GDI2: variants seen among roughly 807,000 people sequenced by gnomAD.
GDI2 encodes rab GDP dissociation inhibitor beta.
GDI2 carries 22 observed loss-of-function variants against 54.2 expected under a neutral mutation model. That is an observed-to-expected ratio of 0.41 (90% CI 0.29 to 0.58). GDI2 has a LOEUF of 0.58. Ranked by LOEUF, GDI2 falls within the 20% of genes least tolerant of loss-of-function variation. The pLI is 0.35. For missense variants in GDI2, 422 were observed against 546.0 expected (o/e 0.77, Z 2.26); for synonymous variants, 177 against 182.1 (o/e 0.97, Z 0.23).
chr10:5,789,774 C>T (rs1840969752), intron 4 of GDI2, among the ~76,000 whole-genome samples: 1 of 151,992 alleles, frequency 6.6e-6, no homozygotes, highest in Non-Finnish European at 1.5e-5. Flanking sequence ...AAACACAGAC[C>T]ATACACGGTG....
chr10:5,804,805 A>G (rs1207523902), intron 1 of GDI2, among the ~76,000 whole-genome samples: 1 of 151,468 alleles, frequency 6.6e-6, no homozygotes, highest in Non-Finnish European at 1.5e-5. Flanking sequence ...GAACGTCTAC[A>G]TAACCTAAAA....
At chr10:5,796,278 G>A (rs894654220) in intron 3 of GDI2, among the ~76,000 whole-genome samples, 1 of 151,684 alleles carries the variant, frequency 6.6e-6, no homozygotes, top group African/African-American at 2.4e-5. Flanking sequence ...TGAACCAGAA[G>A]GCGGAGGTTG....
intron 1 of GDI2, among the ~76,000 whole-genome samples, chr10:5,804,593 T>C (rs1208758948): frequency 6.6e-6 from 1 of 152,148 alleles, no homozygotes; most frequent in African/African-American, 2.4e-5. Context: ...ATGCAACACG[T>C]TTTAAGATTC....
chr10:5,805,366 A>T (rs911511399), intron 1 of GDI2, among the ~76,000 whole-genome samples: 3 of 111,954 alleles, frequency 2.7e-5, no homozygotes, highest in Admixed American at 8.6e-5. Flanking sequence ...TGCTCTTTAA[A>T]AAAAAAAAAA....
rs572571550 is a variant in GDI2 at position 5,775,969 on chromosome 10, T to C, written c.720-2028A>G. On this transcript the variant is annotated intron_variant, in intron 6 of 10. Transcript: ENST00000380191. ...GAACGCAGAGAGGGGCCACAGTCCCTGCGGCTGCATCGCGCTTCCCTGCAG... is the reference window on the plus strand; with the variant it reads ...GAACGCAGAGAGGGGCCACAGTCCCCGCGGCTGCATCGCGCTTCCCTGCAG... 78 of 173,940 alleles carry C rather than the reference T, an allele frequency of 4.5e-4. 1 individual carries two copies. The Middle Eastern group carries it at 0.013, about 30-fold the overall frequency. The allele number at this position is 173,940 out of a possible 1,614,324, so 10.8% of individuals were successfully genotyped here.
chr10:5,778,662 T>C (rs1466227725), intron 6 of GDI2, among the ~76,000 whole-genome samples: 1 of 152,242 alleles, frequency 6.6e-6, no homozygotes, highest in African/African-American at 2.4e-5. Flanking sequence ...TATTGTATAA[T>C]GTACCATTTA....
intron 2 of GDI2, 90 bp from the exon 3 acceptor site, chr10:5,796,952 A>G (rs1043213198): frequency 5.8e-5 from 37 of 641,904 alleles, no homozygotes; most frequent in Non-Finnish European, 9.2e-5. Context: ...TGCTTTTAGT[A>G]TAACTAAACA....
At chr10:5,808,791 A>G (rs1841430564) in intron 1 of GDI2, among the ~76,000 whole-genome samples, 1 of 151,916 alleles carries the variant, frequency 6.6e-6, no homozygotes, top group Non-Finnish European at 1.5e-5. Flanking sequence ...CTAATATTAA[A>G]GTGCCTTTTC....
At chr10:5,796,270 A>G (rs1000360577) in intron 3 of GDI2, among the ~76,000 whole-genome samples, 1 of 151,994 alleles carries the variant, frequency 6.6e-6, no homozygotes, top group Non-Finnish European at 1.5e-5. Context: ...GAATTGCTTG[A>G]ACCAGAAGGC....
chr10:5,796,307 C>T (rs1841146520), intron 3 of GDI2, among the ~76,000 whole-genome samples: 1 of 150,688 alleles, frequency 6.6e-6, no homozygotes, highest in South Asian at 2.1e-4. Context: ...CAAGATCATG[C>T]CACTGCACTC....
intron 7 of GDI2, among the ~76,000 whole-genome samples, chr10:5,772,664 G>C (rs1840516740): frequency 6.6e-6 from 1 of 152,164 alleles, no homozygotes; most frequent in African/African-American, 2.4e-5. Context: ...GGCTGAGGTA[G>C]GAGAATCACT....
intron 2 of GDI2, among the ~76,000 whole-genome samples, chr10:5,800,295 G>A (rs1841239918): frequency 6.6e-6 from 1 of 151,956 alleles, no homozygotes; most frequent in Non-Finnish European, 1.5e-5. Context: ...AATCTTTGAG[G>A]GACTGAGAAA....
chr10:5,775,309 G>C (rs977829508), intron 6 of GDI2, among the ~76,000 whole-genome samples: 1 of 152,108 alleles, frequency 6.6e-6, no homozygotes, highest in Admixed American at 6.6e-5. Context: ...GTAATAAAGT[G>C]GGGGGAAAGG....
chr10:5,776,436 G>A lies in GDI2; in HGVS notation c.720-2495C>T. The A allele has an allele frequency of 2.4e-6, 2 of 828,598 alleles. No individual in the cohort carries two copies. The highest frequency in any genetic ancestry group is 1.3e-5 in the South Asian group (1 of 74,864). 51.3% of individuals were successfully genotyped at this position (828,598 alleles called of 1,614,324 possible). A position where few individuals can be genotyped will look rare whatever the true frequency, so the allele number is the denominator to read the frequency against. Reference sequence around the variant, plus strand: ...TCAAGGGATCTTTGACAGGGATCCAGACACGCTACTATTTTTACTTTAGCA... The same window carrying A: ...TCAAGGGATCTTTGACAGGGATCCAAACACGCTACTATTTTTACTTTAGCA... On this transcript the variant is annotated intron_variant, in intron 6 of 10. Transcript: ENST00000380191. The surrounding 1 kb of genome is among the most constrained non-coding windows in gnomAD (Gnocchi z 5.3).
chr10:5,813,393 A>T lies in GDI2; in HGVS notation c.-135T>A, dbSNP rs1841517649. The T allele has an allele frequency of 1.7e-6, 1 of 583,028 alleles. No homozygotes were observed. The highest frequency in any genetic ancestry group is 2.1e-5 in the South Asian group (1 of 47,570). 36.1% of individuals were successfully genotyped at this position (583,028 alleles called of 1,614,324 possible). ...AAGAGAGGAAAATGGAGCTGGCGACAAGGCGAGACCGACCGCCACCTCAGA... is the reference window on the plus strand; with the variant it reads ...AAGAGAGGAAAATGGAGCTGGCGACTAGGCGAGACCGACCGCCACCTCAGA... On this transcript the variant is annotated 5_prime_UTR_variant, in exon 1 of 11. Transcript: ENST00000380191.
intron 4 of GDI2, 143 bp from the exon 5 acceptor site, chr10:5,786,193 CAG>C (rs1840872286): frequency 9.4e-5 from 46 of 490,626 alleles, no homozygotes; most frequent in South Asian, 6.6e-4. Flanking sequence ...TTTTTTGAGA[CAG>C]AGTCTTGCTC....
intron 1 of GDI2, among the ~76,000 whole-genome samples, chr10:5,804,781 T>C (rs1477630999): frequency 6.6e-6 from 1 of 152,118 alleles, no homozygotes; most frequent in African/African-American, 2.4e-5. Context: ...GTTGGGCAGC[T>C]GTGACAGAGA....
chr10:5,803,438 A>G (rs1841311677), intron 1 of GDI2, among the ~76,000 whole-genome samples: 2 of 152,340 alleles, frequency 1.3e-5, no homozygotes, highest in African/African-American at 4.8e-5. Context: ...ACAAAAAAAA[A>G]GTACATATAC....
intron 1 of GDI2, among the ~76,000 whole-genome samples, chr10:5,806,106 A>G (rs936386484): frequency 1.3e-5 from 2 of 152,244 alleles, no homozygotes; most frequent in African/African-American, 4.8e-5. Flanking sequence ...ATTACCAAAC[A>G]GCTTTCCAAA....
Sources: gnomAD v4.1 joint callset for allele counts (sites outside exome capture counted in the v4.1 genomes callset) on GRCh38, gnomAD v4.1.1 for gene constraint, Gnocchi (gnomAD v3.1) non-coding constraint, MANE v1.5 for transcripts, NCBI Gene and HGNC (gene_info 2026-07-23, HGNC 2026-07-21) for gene names.